Variants in CDH19 observed in about 807,000 individuals in gnomAD.
CDH19 encodes the protein cadherin-19.
CDH19 carries 67 observed loss-of-function variants against 64.2 expected under a neutral mutation model. The observed-to-expected ratio is 1.04, with a 90% CI of 0.86 to 1.28. The LOEUF is 1.28. Ranked by LOEUF, CDH19 falls within the 50% of genes most tolerant of loss-of-function variation. CDH19 has a pLI of 0.00. For synonymous variants in CDH19, 346 were observed against 319.3 expected (o/e 1.08, Z -0.89); for missense variants, 1,030 against 929.0 (o/e 1.11, Z -1.41).
At chr18:66,510,766 T>C (rs1408604277) in intron 10 of CDH19, among the ~76,000 whole-genome samples, 1 of 151,324 alleles carries the variant, frequency 6.6e-6, no homozygotes, top group Non-Finnish European at 1.5e-5. Context: ...CCGGGGGAAT[T>C]TGACGAGGGC....
rs754280776 is a variant in CDH19 at position 66,529,844 on chromosome 18, C to A, written c.1458+1G>T. 2 of 1,583,432 alleles carry A rather than the reference C, an allele frequency of 1.3e-6. No homozygotes were observed. The highest frequency in any genetic ancestry group is 1.4e-5 in the African/African-American group (1 of 73,374). ...CTTTGTAATTTATAATGAGTCCTTA[C>A]CTGACCAGAGCCTGCATTTTCACAA... is the stretch of plus-strand genomic sequence containing the variant. On this transcript the variant is annotated splice_donor_variant, in intron 9 of 11. Coordinates refer to ENST00000262150, the MANE Select transcript of CDH19 (RefSeq NM_021153.4). LOFTEE classifies it high-confidence loss of function.
intron 9 of CDH19, among the ~76,000 whole-genome samples, chr18:66,526,767 ATTGTGTATTGAAAGT>A (rs1372762763): frequency 2.0e-5 from 3 of 151,980 alleles, no homozygotes; most frequent in African/African-American, 7.2e-5. Context: ...AATTTGAAAG[ATTGTGTATTGAAAGT>A]TTGTGTGAAG....
At chr18:66,590,527 A>T (rs201934129) in intron 1 of CDH19, among the ~76,000 whole-genome samples, 1 of 25,144 alleles carries the variant, frequency 4.0e-5, no homozygotes, top group Non-Finnish European at 8.9e-5. Flanking sequence ...GTATATCTTT[A>T]AAAAAAAAAA....
chr18:66,573,699 T>A (rs979713364), intron 1 of CDH19, among the ~76,000 whole-genome samples: 3 of 151,590 alleles, frequency 2.0e-5, no homozygotes, highest in African/African-American at 7.2e-5. Flanking sequence ...TTTCAGTGAA[T>A]ATAATTTTTG....
At chr18:66,521,189 TA>T (rs1176611373) in intron 9 of CDH19, among the ~76,000 whole-genome samples, 2 of 152,160 alleles carry the variant, frequency 1.3e-5, no homozygotes, top group African/African-American at 4.8e-5. Context: ...CTGGATCTGA[TA>T]AATTTTTTAA....
At chr18:66,517,913 A>G (rs546516931) in intron 9 of CDH19, among the ~76,000 whole-genome samples, 14 of 152,078 alleles carry the variant, frequency 9.2e-5, no homozygotes, top group Non-Finnish European at 1.5e-4. Context: ...TTACAATTCT[A>G]TCATTTATTT....
chr18:66,524,934 A>G (rs1056972609), intron 9 of CDH19, among the ~76,000 whole-genome samples: 1 of 152,104 alleles, frequency 6.6e-6, no homozygotes. Context: ...GAGCTGTCAA[A>G]GTGTTTTTCC....
In CDH19 at chr18:66,504,951, C is replaced by A. The variant is rs60951620; in HGVS notation, c.2180G>T (p.Gly727Val). The A allele has an allele frequency of 7.4e-4, 1,191 of 1,613,398 alleles. 12 individuals carry two copies. The African/African-American group carries it at 0.012, about 17-fold the overall frequency. ...SLQTYAFEGT[G>V]SLAGSLSSLE... ...GGAGCTCAGGGATCCAGCTAATGAC[C>A]CTGTTCCCTCAAAAGCGTAGGTCTG... Residue 727 changes from glycine to valine, a missense_variant, in exon 12 of 12, where the codon GGG becomes GTG. Gly to Val is a moderately radical substitution (Grantham distance 109). Coordinates refer to ENST00000262150, the MANE Select transcript of CDH19 (RefSeq NM_021153.4).
chr18:66,509,168 A>G lies in CDH19; in HGVS notation c.1655T>C (p.Ile552Thr). The G allele has an allele frequency of 6.2e-7, 1 of 1,612,810 alleles. No individual in the cohort carries two copies. The highest frequency in any genetic ancestry group is 8.5e-7 in the Non-Finnish European group (1 of 1,179,142). Reference sequence around the variant, plus strand: ...AAGTGACGGGATTCCATTGTCGGCAATTAAGATGGAGATGTAGAAGACAGG... The same window carrying G: ...AAGTGACGGGATTCCATTGTCGGCAGTTAAGATGGAGATGTAGAAGACAGG... ...EEPVFYISIL[I>T]ADNGIPSLTS... The change falls in exon 11 of 12, where the codon ATT becomes ACT. Residue 552 changes from isoleucine to threonine, a missense_variant. By Grantham distance (89) the Ile-to-Thr change is moderately conservative. Coordinates refer to ENST00000262150, the MANE Select transcript of CDH19 (RefSeq NM_021153.4).
At chr18:66,576,106 A>C (rs551604879) in intron 1 of CDH19, among the ~76,000 whole-genome samples, 143 of 151,662 alleles carry the variant, frequency 9.4e-4, no homozygotes, top group Non-Finnish European at 9.7e-4. Context: ...AAGAATACTC[A>C]ATCTAAAGAA....
In CDH19 at chr18:66,535,125, T is replaced by G. The variant is rs757876239; in HGVS notation, c.1215-18A>C. On this transcript the variant is annotated intron_variant, in intron 7 of 11. Transcript: ENST00000262150. ...TAGAATACCTGAACCAAAAGGAAAG[T>G]ATACCTTAATATTTTTATTCTATCT... 7.2e-7 allele frequency: 1 copy of G among 1,389,744 alleles called. No homozygotes were observed. The highest frequency in any genetic ancestry group is 1.6e-5 in the South Asian group (1 of 62,908). The allele number at this position is 1,389,744 out of a possible 1,614,324, so 86.1% of individuals were successfully genotyped here.
chr18:66,536,743 C>T (rs1050793686), intron 7 of CDH19, among the ~76,000 whole-genome samples: 3 of 151,822 alleles, frequency 2.0e-5, no homozygotes, highest in African/African-American at 2.4e-5. Flanking sequence ...CACAAATTCT[C>T]GTTATGTAAG....
At chr18:66,574,672 T>C (rs1324072751) in intron 1 of CDH19, among the ~76,000 whole-genome samples, 3 of 151,742 alleles carry the variant, frequency 2.0e-5, no homozygotes, top group African/African-American at 4.8e-5. Context: ...TAGAAACTCA[T>C]ACATCCAAAA....
At chr18:66,560,179 G>C (rs115029039) in intron 3 of CDH19, among the ~76,000 whole-genome samples, 174 of 152,180 alleles carry the variant, frequency 1.1e-3, no homozygotes, top group African/African-American at 4.1e-3. Flanking sequence ...ACGAGCAAAC[G>C]CCTAGGACAA....
intron 9 of CDH19, among the ~76,000 whole-genome samples, chr18:66,514,114 C>T (rs1985624086): frequency 6.6e-6 from 1 of 151,380 alleles, no homozygotes; most frequent in South Asian, 2.1e-4. Context: ...TTATATTAAG[C>T]TTCATATAAG....
At chr18:66,535,846 ATATG>A in intron 7 of CDH19, among the ~76,000 whole-genome samples, 1 of 147,278 alleles carries the variant, frequency 6.8e-6, no homozygotes, top group South Asian at 2.1e-4. Context: ...TACATACAAT[ATATG>A]TATGTATATA....
intron 1 of CDH19, among the ~76,000 whole-genome samples, chr18:66,596,462 T>C (rs577336567): frequency 6.6e-6 from 1 of 152,240 alleles, no homozygotes; most frequent in South Asian, 2.1e-4. Context: ...AGTTTTGGGA[T>C]ACAATATCAA....
intron 1 of CDH19, among the ~76,000 whole-genome samples, chr18:66,581,211 AG>A (rs139087715): frequency 0.15 from 22,674 of 152,116 alleles, 2,142 homozygotes; most frequent in Middle Eastern, 0.24. Flanking sequence ...TTATTTTCAA[AG>A]TTGTAAATAT....
chr18:66,542,996 T>A (rs1236460361), intron 7 of CDH19, among the ~76,000 whole-genome samples: 1 of 152,156 alleles, frequency 6.6e-6, no homozygotes, highest in Non-Finnish European at 1.5e-5. Flanking sequence ...TTTTTGAATA[T>A]CATTTCAAGT....
Sources: gnomAD v4.1 joint callset for allele counts (sites outside exome capture counted in the v4.1 genomes callset) on GRCh38, gnomAD v4.1.1 for gene constraint, MANE v1.5 for transcripts, NCBI Gene and HGNC (gene_info 2026-07-23, HGNC 2026-07-21) for gene names.